FHIT: variants seen among roughly 807,000 people sequenced by gnomAD.
FHIT encodes fragile histidine triad diadenosine triphosphatase, also known as bis(5'-adenosyl)-triphosphatase.
A neutral mutation model predicts 17.9 loss-of-function variants in FHIT; 19 were observed. That is an observed-to-expected ratio of 1.06 (90% CI 0.74 to 1.56). The LOEUF (loss-of-function observed/expected upper bound fraction) is 1.56, where lower values mean the gene tolerates loss of function less well. FHIT is among the 40% of genes most tolerant of loss of function. FHIT has a pLI of 0.00. For missense variants in FHIT, 248 were observed against 189.2 expected (o/e 1.31, Z -1.82); for synonymous variants, 81 against 69.7 (o/e 1.16, Z -0.81).
intron 3 of FHIT, among the ~76,000 whole-genome samples, chr3:60,873,861 T>C (rs1704526784): frequency 6.6e-6 from 1 of 152,180 alleles, no homozygotes; most frequent in Admixed American, 6.5e-5. Flanking sequence ...CTTCGATGTA[T>C]AGAAAGTGCA....
chr3:60,062,993 T>C (rs561898880), intron 5 of FHIT, among the ~76,000 whole-genome samples: 1 of 152,270 alleles, frequency 6.6e-6, no homozygotes, highest in South Asian at 2.1e-4. Context: ...TGTTCCACAA[T>C]GAGACCGCTT....
chr3:60,653,323 G>A (rs1369441311), intron 4 of FHIT, among the ~76,000 whole-genome samples: 2 of 152,118 alleles, frequency 1.3e-5, no homozygotes, highest in South Asian at 4.1e-4. Flanking sequence ...AGATAAGAAA[G>A]AGCTCTTTGG....
At chr3:59,851,213 C>A (rs1387058929) in intron 8 of FHIT, among the ~76,000 whole-genome samples, 2 of 151,740 alleles carry the variant, frequency 1.3e-5, no homozygotes. Context: ...GTGGTGTAAT[C>A]CTCATAGCTC....
intron 5 of FHIT, among the ~76,000 whole-genome samples, chr3:60,307,157 C>G (rs1295559776): frequency 2.6e-5 from 4 of 152,142 alleles, no homozygotes; most frequent in Non-Finnish European, 5.9e-5. Flanking sequence ...CAATAAGGCT[C>G]TCATCTCACA....
chr3:60,964,609 C>T (rs1388691233), intron 3 of FHIT, among the ~76,000 whole-genome samples: 7 of 152,126 alleles, frequency 4.6e-5, no homozygotes, highest in African/African-American at 1.7e-4. Flanking sequence ...CCTTCAGGAG[C>T]TCTTGTAAGG....
intron 4 of FHIT, among the ~76,000 whole-genome samples, chr3:60,656,425 C>T (rs908163894): frequency 5.9e-5 from 9 of 152,316 alleles, no homozygotes; most frequent in African/African-American, 2.2e-4. Flanking sequence ...AGCTAGAAGG[C>T]TAACCTGCTA....
At chr3:61,225,225 C>T (rs2039939874) in intron 1 of FHIT, among the ~76,000 whole-genome samples, 1 of 152,240 alleles carries the variant, frequency 6.6e-6, no homozygotes, top group East Asian at 1.9e-4. Flanking sequence ...CCACCAGATG[C>T]TTATTCAATT....
intron 5 of FHIT, among the ~76,000 whole-genome samples, chr3:60,378,632 A>T (rs1164941897): frequency 1.3e-5 from 2 of 152,240 alleles, no homozygotes; most frequent in Non-Finnish European, 2.9e-5. Flanking sequence ...ACCTACACAG[A>T]TTTAACATGT....
At chr3:61,101,084 T>G (rs77012996) in intron 2 of FHIT, among the ~76,000 whole-genome samples, 14 of 152,252 alleles carry the variant, frequency 9.2e-5, no homozygotes, top group African/African-American at 3.4e-4. Context: ...TTTGTCAGTT[T>G]TGGCTTTTGT....
intron 5 of FHIT, among the ~76,000 whole-genome samples, chr3:60,258,053 T>C (rs1042946544): frequency 1.5e-5 from 2 of 131,666 alleles, no homozygotes; most frequent in Non-Finnish European, 3.2e-5. Flanking sequence ...AACTTAAAAG[T>C]TGGAAATTAA....
At chr3:61,123,080 T>C (rs1057030492) in intron 2 of FHIT, among the ~76,000 whole-genome samples, 2 of 152,028 alleles carry the variant, frequency 1.3e-5, no homozygotes, top group Admixed American at 6.5e-5. Flanking sequence ...CTGTTCACAA[T>C]AGCAAGACTT....
intron 8 of FHIT, among the ~76,000 whole-genome samples, chr3:59,816,239 T>G (rs1011969719): frequency 6.6e-6 from 1 of 152,188 alleles, no homozygotes; most frequent in African/African-American, 2.4e-5. Context: ...TTGGGCTTGT[T>G]GGGAGGATTC....
intron 5 of FHIT, among the ~76,000 whole-genome samples, chr3:60,360,778 C>T (rs1021703476): frequency 6.6e-5 from 10 of 152,160 alleles, no homozygotes; most frequent in African/African-American, 9.7e-5. Context: ...TCTTATCAAT[C>T]GAGCCACCAT....
chr3:61,018,565 A>C (rs2032238925), intron 3 of FHIT, among the ~76,000 whole-genome samples: 1 of 152,244 alleles, frequency 6.6e-6, no homozygotes, highest in South Asian at 2.1e-4. Context: ...AGATGCCCAC[A>C]AGTAACAGCC....
intron 5 of FHIT, among the ~76,000 whole-genome samples, chr3:60,497,459 G>A (rs949149005): frequency 6.6e-6 from 1 of 152,106 alleles, no homozygotes; most frequent in African/African-American, 2.4e-5. Flanking sequence ...AACAAACACA[G>A]TTAATTTCTA....
chr3:60,528,309 T>G (rs1383937426), intron 5 of FHIT, among the ~76,000 whole-genome samples: 1 of 152,096 alleles, frequency 6.6e-6, no homozygotes, highest in Non-Finnish European at 1.5e-5. Context: ...TTGTTAGTCA[T>G]AAAATATAAT....
At chr3:60,401,005 GT>G (rs1701636613) in intron 5 of FHIT, among the ~76,000 whole-genome samples, 1 of 151,970 alleles carries the variant, frequency 6.6e-6, no homozygotes, top group Admixed American at 6.6e-5. Context: ...ACAGAGAACA[GT>G]TCAAAACAGA....
chr3:59,752,088 CA>C (rs781153679), intron 9 of FHIT, 132 bp downstream of exon 9: 1 of 594,780 alleles, frequency 1.7e-6, no homozygotes, highest in Non-Finnish European at 2.9e-6. Context: ...TTCTCCCCTC[CA>C]GCTCTTTGTC....
At chr3:59,899,116 A>T (rs974174005) in intron 8 of FHIT, among the ~76,000 whole-genome samples, 3 of 152,170 alleles carry the variant, frequency 2.0e-5, no homozygotes, top group African/African-American at 7.2e-5. Context: ...CCAGAGCACA[A>T]GACAAAGTGG....
Sources: gnomAD v4.1 joint callset for allele counts (sites outside exome capture counted in the v4.1 genomes callset) on GRCh38, gnomAD v4.1.1 for gene constraint, MANE v1.5 for transcripts, NCBI Gene and HGNC (gene_info 2026-07-23, HGNC 2026-07-21) for gene names.